The following RANBP2 variants were observed in gnomAD, a reference collection of about 807,000 sequenced individuals.
RANBP2 encodes E3 SUMO-protein ligase RanBP2.
RANBP2 carries 57 observed loss-of-function variants against 303.6 expected under a neutral mutation model. The ratio of observed to expected loss-of-function variants is 0.19; its 90% CI spans 0.15 to 0.23. The LOEUF (loss-of-function observed/expected upper bound fraction) is 0.23. Among genes scored for constraint, RANBP2 ranks in the 10% least tolerant of loss-of-function variants. The probability of loss-of-function intolerance (pLI) is 1.00; values close to 1 mark genes in which losing one functional copy is unlikely to be tolerated. For synonymous variants in RANBP2, 1,167 were observed against 1,301.5 expected (o/e 0.90, Z 2.23); for missense variants, 3,138 against 3,780.8 (o/e 0.83, Z 4.46).
At chr2:109,110,089 G>A in the RANBP2 span, among the ~76,000 whole-genome samples, 1 of 152,134 alleles carries the variant, frequency 6.6e-6, no homozygotes, top group South Asian at 2.1e-4. Flanking sequence ...TCTTGCTTGA[G>A]ACAAAACGCT....
the RANBP2 span, chr2:109,760,491 C>G: frequency 1.0e-6 from 1 of 969,120 alleles, no homozygotes; most frequent in African/African-American, 1.8e-5. Flanking sequence ...CTTGAGTGTG[C>G]CTGCGCGCAA....
chr2:108,830,293 T>C, the RANBP2 span, among the ~76,000 whole-genome samples: 2 of 152,156 alleles, frequency 1.3e-5, no homozygotes, highest in Non-Finnish European at 2.9e-5. Context: ...GGATACAGAG[T>C]TTCATTTTGG....
the RANBP2 span, among the ~76,000 whole-genome samples, chr2:108,875,336 AGAAAC>A: frequency 1.6e-5 from 2 of 124,656 alleles, no homozygotes; most frequent in East Asian, 0.01. Flanking sequence ...AAAAAAAAAA[AGAAAC>A]AAATTCTTAA....
At chr2:109,679,492 G>A in the RANBP2 span, among the ~76,000 whole-genome samples, 1 of 152,178 alleles carries the variant, frequency 6.6e-6, no homozygotes, top group South Asian at 2.1e-4. Flanking sequence ...ACATTTCTGT[G>A]CATATGTGTG....
chr2:108,893,297 A>G, the RANBP2 span, among the ~76,000 whole-genome samples: 4 of 152,224 alleles, frequency 2.6e-5, no homozygotes, highest in African/African-American at 4.8e-5. Flanking sequence ...ATGATAGCAA[A>G]TGTTTACAGA....
At chr2:109,286,302 T>C in the RANBP2 span, among the ~76,000 whole-genome samples, 1 of 152,150 alleles carries the variant, frequency 6.6e-6, no homozygotes, top group African/African-American at 2.4e-5. Flanking sequence ...GGTCAAGGGA[T>C]GTGTTTGACC....
chr2:109,635,105 T>C, the RANBP2 span, among the ~76,000 whole-genome samples: 1 of 142,534 alleles, frequency 7.0e-6, no homozygotes, highest in African/African-American at 2.5e-5. Context: ...AAAACTCCAG[T>C]GTTAAAAAAA....
At chr2:109,709,196 C>T in the RANBP2 span, among the ~76,000 whole-genome samples, 2 of 150,838 alleles carry the variant, frequency 1.3e-5, no homozygotes, top group African/African-American at 4.9e-5. Flanking sequence ...ATTCCAGCTA[C>T]TCGGGAGGCT....
At chr2:109,484,063 CTTTCTT>C in the RANBP2 span, among the ~76,000 whole-genome samples, 1,936 of 139,514 alleles carry the variant, frequency 0.014, 55 homozygotes, top group African/African-American at 0.049. Context: ...ATCCTCTGGC[CTTTCTT>C]TTTTTTTTTT....
At chr2:109,293,187 T>C in the RANBP2 span, among the ~76,000 whole-genome samples, 1 of 152,182 alleles carries the variant, frequency 6.6e-6, no homozygotes, top group Non-Finnish European at 1.5e-5. Context: ...CCGATGGTGC[T>C]GTGTGGGGCC....
the RANBP2 span, among the ~76,000 whole-genome samples, chr2:109,081,481 G>T: frequency 1.3e-5 from 2 of 152,144 alleles, no homozygotes; most frequent in South Asian, 2.1e-4. Flanking sequence ...CTGACTCAAT[G>T]CTGGGCTTGA....
chr2:109,263,651 GGAGA>G, the RANBP2 span, among the ~76,000 whole-genome samples: 1 of 152,178 alleles, frequency 6.6e-6, no homozygotes, highest in Non-Finnish European at 1.5e-5. Flanking sequence ...GTCTGTCAGT[GGAGA>G]GACTGTACTA....
chr2:109,625,817 A>T, the RANBP2 span, among the ~76,000 whole-genome samples: 1 of 152,216 alleles, frequency 6.6e-6, no homozygotes, highest in African/African-American at 2.4e-5. Context: ...TAAAAACAAA[A>T]CAATAATATT....
At chr2:109,078,163 A>G in the RANBP2 span, among the ~76,000 whole-genome samples, 1 of 132,856 alleles carries the variant, frequency 7.5e-6, no homozygotes, top group Admixed American at 7.6e-5. Flanking sequence ...ATGTATATAT[A>G]TATAGCGTGT....
the RANBP2 span, among the ~76,000 whole-genome samples, chr2:109,358,564 A>G: frequency 6.6e-6 from 1 of 152,146 alleles, no homozygotes; most frequent in African/African-American, 2.4e-5. Context: ...AACACACTAC[A>G]CACTACACTG....
the RANBP2 span, among the ~76,000 whole-genome samples, chr2:108,800,608 C>CTTTTT: frequency 3.6e-4 from 12 of 33,492 alleles, no homozygotes; most frequent in African/African-American, 7.1e-4. Context: ...CTCAGTTTAG[C>CTTTTT]TTTTTTTTTT....
chr2:109,518,976 T>A, the RANBP2 span, among the ~76,000 whole-genome samples: 271 of 148,056 alleles, frequency 1.8e-3, 1 homozygote, highest in South Asian at 7.0e-3. Context: ...TGGAGTGCAG[T>A]CATGCAATAT....
At chr2:109,666,466 T>C in the RANBP2 span, among the ~76,000 whole-genome samples, 1 of 152,368 alleles carries the variant, frequency 6.6e-6, no homozygotes, top group East Asian at 1.9e-4. Context: ...GTAAAAAGAC[T>C]AGAGCACAAC....
the RANBP2 span, among the ~76,000 whole-genome samples, chr2:108,902,949 A>G: frequency 1.3e-5 from 2 of 152,218 alleles, no homozygotes; most frequent in African/African-American, 2.4e-5. Context: ...ATTGGAAAGG[A>G]AGAAATAAAA....
Sources: allele counts gnomAD v4.1 joint callset (sites outside exome capture counted in the v4.1 genomes callset), GRCh38; gene constraint gnomAD v4.1.1; transcripts MANE v1.5; gene names NCBI Gene and HGNC (gene_info 2026-07-23, HGNC 2026-07-21).